The following MARCHF1 variants were observed in gnomAD, a reference collection of about 807,000 sequenced individuals.
The protein encoded by MARCHF1 is membrane associated ring-CH-type finger 1.
Under a neutral mutation model 54.2 loss-of-function variants are expected in MARCHF1, and 40 were observed. That is an observed-to-expected ratio of 0.74 (90% confidence interval 0.57 to 0.96). MARCHF1 has a LOEUF of 0.96. MARCHF1 is among the 40% of genes least tolerant of loss of function. The pLI, the probability that MARCHF1 is intolerant of heterozygous loss-of-function variation, is 0.00. For missense variants in MARCHF1, 586 were observed against 656.5 expected (o/e 0.89, Z 1.17); for synonymous variants, 236 against 236.3 (o/e 1.00, Z 0.01).
intron 1 of MARCHF1, among the ~76,000 whole-genome samples, chr4:164,137,090 T>C (rs1424677714): frequency 6.6e-6 from 1 of 152,206 alleles, no homozygotes; most frequent in Non-Finnish European, 1.5e-5. Flanking sequence ...ACCAGTATTT[T>C]GAAATTTGAA....
chr4:164,101,872 T>A (rs1485093936), intron 2 of MARCHF1, among the ~76,000 whole-genome samples: 2 of 151,384 alleles, frequency 1.3e-5, no homozygotes, highest in South Asian at 2.1e-4. Context: ...TGAAAAAAAA[T>A]TTAGAAGAAT....
At chr4:163,717,331 A>G (rs1433543275) in intron 4 of MARCHF1, among the ~76,000 whole-genome samples, 2 of 150,964 alleles carry the variant, frequency 1.3e-5, no homozygotes, top group African/African-American at 4.9e-5. Context: ...TGAACTCATC[A>G]TTTTTTATGG....
chr4:163,698,421 A>G (rs1744701159), intron 5 of MARCHF1, among the ~76,000 whole-genome samples: 1 of 152,212 alleles, frequency 6.6e-6, no homozygotes, highest in Non-Finnish European at 1.5e-5. Context: ...TGAACATAAA[A>G]GGAAAGTTAA....
intron 4 of MARCHF1, among the ~76,000 whole-genome samples, chr4:163,705,939 A>G (rs1054624496): frequency 6.6e-6 from 1 of 152,080 alleles, no homozygotes; most frequent in Non-Finnish European, 1.5e-5. Flanking sequence ...AAGAAACAAA[A>G]CCACTGCAGC....
intron 4 of MARCHF1, among the ~76,000 whole-genome samples, chr4:163,847,575 TTTTTTTTTTTTTTTTTTTTTTTTG>T (rs1749522713): frequency 2.0e-4 from 1 of 5,020 alleles, no homozygotes; most frequent in Non-Finnish European, 8.7e-4. Flanking sequence ...TTTTTTTTTT[TTTTTTTTTTTTTTTTTTTTTTTTG>T]AGATGGAGTC....
chr4:164,259,002 A>T (rs930998039), intron 1 of MARCHF1, among the ~76,000 whole-genome samples: 6 of 152,198 alleles, frequency 3.9e-5, no homozygotes, highest in Non-Finnish European at 5.9e-5. Context: ...AATTCATTTT[A>T]AAAAACATAT....
chr4:164,293,191 T>G (rs1039018262), intron 1 of MARCHF1, among the ~76,000 whole-genome samples: 1 of 152,172 alleles, frequency 6.6e-6, no homozygotes, highest in African/African-American at 2.4e-5. Flanking sequence ...CTTGAATTTC[T>G]GCATAGCAAA....
chr4:164,231,673 AAC>A (rs1017157483), intron 1 of MARCHF1, among the ~76,000 whole-genome samples: 1 of 152,126 alleles, frequency 6.6e-6, no homozygotes, highest in African/African-American at 2.4e-5. Context: ...ATGGCTTTAG[AAC>A]ATAGGGTCCT....
intron 5 of MARCHF1, among the ~76,000 whole-genome samples, chr4:163,671,369 G>A (rs1011781687): frequency 1.3e-5 from 2 of 152,150 alleles, no homozygotes; most frequent in African/African-American, 2.4e-5. Flanking sequence ...CTCACAGTAC[G>A]GGAATAGCTG....
At chr4:163,921,177 G>A (rs562864310) in intron 3 of MARCHF1, among the ~76,000 whole-genome samples, 1 of 152,148 alleles carries the variant, frequency 6.6e-6, no homozygotes, top group Non-Finnish European at 1.5e-5. Context: ...AAGATAGCCT[G>A]ATGGAAATGT....
intron 1 of MARCHF1, among the ~76,000 whole-genome samples, chr4:164,172,898 G>A (rs940533274): frequency 2.0e-5 from 3 of 150,756 alleles, no homozygotes; most frequent in Non-Finnish European, 4.4e-5. Context: ...GGAGAATGGC[G>A]TGAACCCGCA....
chr4:164,229,762 G>C (rs185184140), intron 1 of MARCHF1, among the ~76,000 whole-genome samples: 1 of 152,066 alleles, frequency 6.6e-6, no homozygotes, highest in Admixed American at 6.6e-5. Context: ...CACATGGCCC[G>C]AGTAAGAGCA....
At chr4:164,157,548 T>G (rs902134807) in intron 1 of MARCHF1, among the ~76,000 whole-genome samples, 6 of 152,132 alleles carry the variant, frequency 3.9e-5, no homozygotes, top group Non-Finnish European at 8.8e-5. Context: ...TGTTTTGCAG[T>G]TCTGGAAGCT....
rs139650733 is a variant in MARCHF1, at chr4:163,612,270, C to A, written c.1010+1G>T. The stretch of plus-strand genomic sequence containing the variant: ...TCAAGCCTTTCTCTACAGTGACTGA[C>A]CTGCATACTTCTAAATTATCAGACC... On this transcript the variant is annotated splice_donor_variant, in intron 7 of 9. Coordinates refer to ENST00000514618, the MANE Select transcript of MARCHF1 (RefSeq NM_001394959.1). LOFTEE classifies it high-confidence loss of function. The A allele has an allele frequency of 3.3e-6, 5 of 1,493,146 alleles. No individual in the cohort carries two copies. In the South Asian group the frequency reaches 6.7e-5, roughly 20 times the overall value. 92.5% of individuals were successfully genotyped at this position (1,493,146 alleles called of 1,614,324 possible).
intron 3 of MARCHF1, among the ~76,000 whole-genome samples, chr4:163,900,505 A>G (rs1194557533): frequency 6.6e-6 from 1 of 152,174 alleles, no homozygotes. Flanking sequence ...GAGTTGGATA[A>G]TAAGTCTAAG....
At chr4:164,244,080 T>C (rs1732864031) in intron 1 of MARCHF1, among the ~76,000 whole-genome samples, 1 of 152,028 alleles carries the variant, frequency 6.6e-6, no homozygotes, top group Non-Finnish European at 1.5e-5. Context: ...TATCCAGGAA[T>C]TGAACTCAGC....
At chr4:163,912,438 C>A (rs1751213520) in intron 3 of MARCHF1, among the ~76,000 whole-genome samples, 1 of 152,104 alleles carries the variant, frequency 6.6e-6, no homozygotes, top group Admixed American at 6.6e-5. Flanking sequence ...ATAGGTAGCT[C>A]CGTGGGATGG....
rs78237351 is a variant in MARCHF1, at chr4:163,621,664, C to T, written c.163-8271G>A. On this transcript the variant is annotated intron_variant, in intron 5 of 9. Transcript: ENST00000514618. ...CTATAGAGAAAGGAGACAGAAGGTA[C>T]GACTGAAGAAAAATTTGCAGCATAC... Among the ~76,000 whole-genome samples the T allele has an allele frequency of 7.1e-3, 1,088 of 152,194 alleles. 9 individuals are homozygous for T. The highest frequency in any genetic ancestry group is 0.011 in the Non-Finnish European group (775 of 68,000).
intron 1 of MARCHF1, among the ~76,000 whole-genome samples, chr4:164,192,409 A>T (rs931265624): frequency 3.3e-5 from 5 of 152,192 alleles, no homozygotes; most frequent in Non-Finnish European, 7.4e-5. Context: ...TTATGATGCA[A>T]ACTCTTCTAT....
Sources: gnomAD v4.1 joint callset for allele counts (sites outside exome capture counted in the v4.1 genomes callset) on GRCh38, gnomAD v4.1.1 for gene constraint, MANE v1.5 for transcripts, NCBI Gene and HGNC (gene_info 2026-07-23, HGNC 2026-07-21) for gene names.